DNER: variants seen among roughly 807,000 people sequenced by gnomAD.
The protein encoded by DNER is delta/notch like EGF repeat containing, also known as delta and Notch-like epidermal growth factor-related receptor.
Under a neutral mutation model 78.2 loss-of-function variants are expected in DNER, and 33 were observed. The observed-to-expected ratio is 0.42, with a 90% confidence interval of 0.32 to 0.56. DNER has a LOEUF of 0.56. Among genes scored for constraint, DNER ranks in the 20% least tolerant of loss-of-function variants. DNER has a pLI of 0.11. For missense variants in DNER, 918 were observed against 975.3 expected (o/e 0.94, Z 0.78); for synonymous variants, 417 against 384.8 (o/e 1.08, Z -0.98).
intron 6 of DNER, among the ~76,000 whole-genome samples, chr2:229,495,091 C>T (rs1253803698): frequency 6.6e-6 from 1 of 152,172 alleles, no homozygotes; most frequent in Non-Finnish European, 1.5e-5. Context: ...AGTTCTGATC[C>T]GTTTTAGCTT....
At chr2:229,435,961 A>T (rs1694113452) in intron 8 of DNER, among the ~76,000 whole-genome samples, 1 of 152,092 alleles carries the variant, frequency 6.6e-6, no homozygotes, top group Non-Finnish European at 1.5e-5. Flanking sequence ...GATTTTTTTT[A>T]ACTTTTATTT....
chr2:229,373,856 A>G (rs1372100036), intron 11 of DNER, among the ~76,000 whole-genome samples: 2 of 152,134 alleles, frequency 1.3e-5, no homozygotes, highest in African/African-American at 4.8e-5. Context: ...AACAAACACC[A>G]CATGTTCTCA....
At chr2:229,443,464 G>A (rs558781109) in intron 8 of DNER, among the ~76,000 whole-genome samples, 3 of 152,190 alleles carry the variant, frequency 2.0e-5, no homozygotes, top group Middle Eastern at 3.2e-3. Context: ...AGAACGGGTA[G>A]CCTATCACTT....
At chr2:229,663,058 C>T (rs1269623060) in intron 1 of DNER, among the ~76,000 whole-genome samples, 1 of 152,086 alleles carries the variant, frequency 6.6e-6, no homozygotes, top group Non-Finnish European at 1.5e-5. Flanking sequence ...CAGTGCTTTG[C>T]CCCAAGTAGA....
intron 4 of DNER, among the ~76,000 whole-genome samples, chr2:229,572,844 A>C (rs1697239805): frequency 6.6e-6 from 1 of 152,348 alleles, no homozygotes; most frequent in African/African-American, 2.4e-5. Context: ...GGTTACTTGA[A>C]TGTGACTTTA....
chr2:229,515,646 TA>T (rs374655589), intron 5 of DNER, among the ~76,000 whole-genome samples: 5,857 of 64,634 alleles, frequency 0.091, 476 homozygotes, highest in African/African-American at 0.23. Flanking sequence ...TTTATTTTTT[TA>T]TTTTTTTTTT....
rs189324156 is a variant in DNER, at chr2:229,387,172, T to C, written c.1855+1093A>G. Among the ~76,000 whole-genome samples, 834 of 152,226 alleles carry C rather than the reference T, an allele frequency of 5.5e-3. 7 individuals carry two copies. Among genetic ancestry groups the C allele is most frequent in the African/African-American group, 0.019 (799 of 41,524 alleles). On this transcript the variant is annotated intron_variant, in intron 11 of 12. Transcript: ENST00000341772. Reference sequence around the variant, plus strand: ...TAAAAAAGGATGAGTTCCTGTCCTTTGCAGGGACATGGATGAAGCTGGAAA... The same window carrying C: ...TAAAAAAGGATGAGTTCCTGTCCTTCGCAGGGACATGGATGAAGCTGGAAA...
At chr2:229,409,331 G>A (rs1310563541) in intron 9 of DNER, among the ~76,000 whole-genome samples, 1 of 151,784 alleles carries the variant, frequency 6.6e-6, no homozygotes, top group East Asian at 2.0e-4. Flanking sequence ...TGGTTGTAGT[G>A]GGAAATACGG....
At chr2:229,531,684 A>G (rs1696305181) in intron 5 of DNER, among the ~76,000 whole-genome samples, 1 of 152,254 alleles carries the variant, frequency 6.6e-6, no homozygotes, top group Non-Finnish European at 1.5e-5. Flanking sequence ...AACTGAAAAC[A>G]AGGACTTAAA....
intron 1 of DNER, among the ~76,000 whole-genome samples, chr2:229,614,132 C>T (rs1194893101): frequency 1.3e-5 from 2 of 151,380 alleles, no homozygotes; most frequent in Non-Finnish European, 2.9e-5. Context: ...ACATATGCAA[C>T]AAACCTGCAC....
chr2:229,633,265 T>G (rs1042560048), intron 1 of DNER, among the ~76,000 whole-genome samples: 4 of 152,168 alleles, frequency 2.6e-5, no homozygotes, highest in Admixed American at 6.5e-5. Flanking sequence ...AGAAGCCCCC[T>G]CTAAAACAAT....
chr2:229,640,872 T>A (rs972478225), intron 1 of DNER, among the ~76,000 whole-genome samples: 4 of 152,076 alleles, frequency 2.6e-5, no homozygotes, highest in African/African-American at 9.7e-5. Context: ...TGAACAACAC[T>A]GAGTTGCGGT....
chr2:229,597,753 C>T (rs1199094852), intron 1 of DNER, among the ~76,000 whole-genome samples: 2 of 152,220 alleles, frequency 1.3e-5, no homozygotes, highest in Non-Finnish European at 2.9e-5. Context: ...ATGCCGTGTG[C>T]TTGCTGCATC....
At chr2:229,604,884 G>T (rs2894688) in intron 1 of DNER, among the ~76,000 whole-genome samples, 151,393 of 152,168 alleles carry the variant, frequency 0.99, 75,323 homozygotes, top group East Asian at 1. Context: ...GGAAAATGAG[G>T]AAAAATTCAA....
intron 1 of DNER, among the ~76,000 whole-genome samples, chr2:229,680,651 G>A (rs990107953): frequency 2.0e-5 from 3 of 152,198 alleles, no homozygotes; most frequent in Admixed American, 1.3e-4. Flanking sequence ...TTTAAGCAGT[G>A]CTATGTGTTG....
chr2:229,686,493 C>A (rs749918600), intron 1 of DNER, among the ~76,000 whole-genome samples: 44 of 152,344 alleles, frequency 2.9e-4, no homozygotes, highest in Admixed American at 5.2e-4. Context: ...GAAATTCAAA[C>A]AAGCCAACAG....
At chr2:229,570,022 G>A (rs192562777) in intron 4 of DNER, among the ~76,000 whole-genome samples, 1 of 152,254 alleles carries the variant, frequency 6.6e-6, no homozygotes, top group Admixed American at 6.5e-5. Flanking sequence ...AACACTTACT[G>A]AAACCAGATC....
chr2:229,446,862 T>C (rs1417354148), intron 8 of DNER, among the ~76,000 whole-genome samples: 2 of 152,224 alleles, frequency 1.3e-5, no homozygotes, highest in Non-Finnish European at 2.9e-5. Context: ...ATTCTGAATG[T>C]ATTGCACCGT....
chr2:229,405,111 G>C (rs1693353131), intron 10 of DNER, among the ~76,000 whole-genome samples: 1 of 152,030 alleles, frequency 6.6e-6, no homozygotes, highest in Non-Finnish European at 1.5e-5. Context: ...ATCAGACAAA[G>C]GATATGAATA....
Sources: gnomAD v4.1 joint callset for allele counts (sites outside exome capture counted in the v4.1 genomes callset) on GRCh38, gnomAD v4.1.1 for gene constraint, MANE v1.5 for transcripts, NCBI Gene and HGNC (gene_info 2026-07-23, HGNC 2026-07-21) for gene names.